Variants in RAF1 observed in about 807,000 individuals in gnomAD.
RAF1 encodes Raf-1 proto-oncogene, serine/threonine kinase, also known as RAF proto-oncogene serine/threonine-protein kinase.
Under a neutral mutation model 81.1 loss-of-function variants are expected in RAF1, and 27 were observed. That is an observed-to-expected ratio of 0.33 (90% CI 0.25 to 0.46). The LOEUF (loss-of-function observed/expected upper bound fraction) is 0.46. RAF1 is among the 20% of genes least tolerant of loss of function. The pLI is 1.00. For synonymous variants in RAF1, 298 were observed against 294.0 expected, an observed-to-expected ratio of 1.01 and a Z score of -0.14; for missense variants, 598 against 826.0, an observed-to-expected ratio of 0.72 and a Z score of 3.38.
At chr3:12,602,453 G>T (rs752908332) in intron 8 of RAF1, among the ~76,000 whole-genome samples, 1 of 152,144 alleles carries the variant, frequency 6.6e-6, no homozygotes, top group Non-Finnish European at 1.5e-5. Context: ...CTGGGCTCAA[G>T]TAATCCTCCT....
chr3:12,588,461 A>G (rs1162159219), intron 13 of RAF1: 1 of 152,168 alleles, frequency 6.6e-6, no homozygotes, highest in Non-Finnish European at 1.5e-5. Context: ...GCTAAATGGT[A>G]TAACGTGTTG....
At chr3:12,642,259 G>A (rs1461990248) in intron 1 of RAF1, among the ~76,000 whole-genome samples, 1 of 150,640 alleles carries the variant, frequency 6.6e-6, no homozygotes, top group African/African-American at 2.4e-5. Context: ...GACCATCCTG[G>A]CTAACACGGT....
intron 2 of RAF1, among the ~76,000 whole-genome samples, chr3:12,616,213 A>C (rs918473127): frequency 6.6e-6 from 1 of 152,196 alleles, no homozygotes; most frequent in Non-Finnish European, 1.5e-5. Context: ...GAGGATTTAA[A>C]TTGGGATTTT....
Position 12,594,590 on chromosome 3 carries a change from C to T in RAF1, c.1169-2798G>A, listed in dbSNP as rs184964846. Reference sequence around the variant, plus strand: ...CAGTGACTTACTCTGACCTTGCAGTCGGCTGAACTTCCTTGGCAGTTTCCA... The same window carrying T: ...CAGTGACTTACTCTGACCTTGCAGTTGGCTGAACTTCCTTGGCAGTTTCCA... On this transcript the variant is annotated intron_variant, in intron 11 of 17. Coordinates refer to ENST00000442415, the MANE Select transcript of RAF1 (RefSeq NM_001354689.3). 4.0e-3 allele frequency among the ~76,000 whole-genome samples: 613 copies of T among 152,298 alleles called. 3 individuals carry two copies. Among genetic ancestry groups the T allele is most frequent in the Non-Finnish European group, 6.6e-3 (450 of 68,024 alleles).
In RAF1 at chr3:12,641,490, G is replaced by GTTTTTTT. The variant is rs747472648; in HGVS notation, c.-27+22316_-27+22322dup. On this transcript the variant is annotated intron_variant, in intron 1 of 17. Transcript: ENST00000442415. ...CCCCCCCAAAAAAAAATGTTTTTTG[G>GTTTTTTT]TTTTTTTTTTTTTTTTTTTGAAACA... is the stretch of plus-strand genomic sequence containing the variant. 3.7e-5 allele frequency among the ~76,000 whole-genome samples: 5 copies of GTTTTTTT among 134,612 alleles called. No individual in the cohort carries two copies. The South Asian group carries it at 1.2e-3, about 33-fold the overall frequency. 88.3% of individuals were successfully genotyped at this position (134,612 alleles called of 152,430 possible). A position where few individuals can be genotyped will look rare whatever the true frequency, so the allele number is the denominator to read the frequency against.
intron 6 of RAF1, among the ~76,000 whole-genome samples, chr3:12,605,665 T>G (rs1035777008): frequency 1.3e-5 from 2 of 152,188 alleles, no homozygotes; most frequent in Non-Finnish European, 2.9e-5. Context: ...GCAACAAAAC[T>G]GATTATAAAG....
chr3:12,591,411 G>C (rs2058511189), intron 12 of RAF1, among the ~76,000 whole-genome samples: 2 of 152,156 alleles, frequency 1.3e-5, no homozygotes, highest in South Asian at 4.1e-4. Flanking sequence ...GGTAAAAATA[G>C]GGCCTATTTC....
At chr3:12,636,825 G>GA (rs1224965267) in intron 1 of RAF1, among the ~76,000 whole-genome samples, 4 of 151,744 alleles carry the variant, frequency 2.6e-5, no homozygotes, top group African/African-American at 9.7e-5. Flanking sequence ...AAGAAAGAAA[G>GA]AAAAAATATT....
At chr3:12,616,808 G>A (rs994880217) in intron 2 of RAF1, among the ~76,000 whole-genome samples, 4 of 152,194 alleles carry the variant, frequency 2.6e-5, no homozygotes, top group African/African-American at 9.7e-5. Flanking sequence ...AAAGGAAGAG[G>A]CATGGAAGTT....
At chr3:12,619,522 G>T (rs1383429951) in intron 1 of RAF1, among the ~76,000 whole-genome samples, 1 of 149,396 alleles carries the variant, frequency 6.7e-6, no homozygotes, top group African/African-American at 2.5e-5. Context: ...TCGATATCGT[G>T]TCATTGCACT....
intron 1 of RAF1, among the ~76,000 whole-genome samples, chr3:12,656,125 T>C (rs767284539): frequency 1.4e-5 from 2 of 143,772 alleles, no homozygotes; most frequent in African/African-American, 2.6e-5. Context: ...TTTTGCATTG[T>C]CAGGCAATAC....
intron 11 of RAF1, among the ~76,000 whole-genome samples, chr3:12,595,964 C>T (rs1326916267): frequency 6.8e-6 from 1 of 147,422 alleles, no homozygotes; most frequent in Non-Finnish European, 1.5e-5. Flanking sequence ...CAGCCTCTAT[C>T]TCCCAGGCTC....
In RAF1 at chr3:12,664,015, C is replaced by A; in HGVS notation, c.-229G>T. 1 of 398,590 alleles carries A rather than the reference C, an allele frequency of 2.5e-6. No homozygotes were observed. The highest frequency in any genetic ancestry group is 4.4e-6 in the Non-Finnish European group (1 of 226,018). 24.7% of individuals were successfully genotyped at this position (398,590 alleles called of 1,614,324 possible). On this transcript the variant is annotated 5_prime_UTR_variant, in exon 1 of 18. Transcript: ENST00000442415. ...CGCGCCCCAAAGCCCGGCCAGCTGA[C>A]CCTTTTCGGGGCCCAAAAAAGGCAG...
chr3:12,652,055 T>TAATA (rs2060547929), intron 1 of RAF1, among the ~76,000 whole-genome samples: 1 of 134,936 alleles, frequency 7.4e-6, no homozygotes, highest in Admixed American at 7.6e-5. Context: ...AATAAATAAA[T>TAATA]GATATAAAAA....
chr3:12,610,103 A>G (rs1375660016), intron 3 of RAF1, among the ~76,000 whole-genome samples: 1 of 152,238 alleles, frequency 6.6e-6, no homozygotes, highest in African/African-American at 2.4e-5. Context: ...TACAGTATAA[A>G]TAAGACAAAA....
At chr3:12,620,925 GAGTTCAGTTCATTCAGAGTTCA>G (rs1364916742) in intron 1 of RAF1, among the ~76,000 whole-genome samples, 1 of 151,300 alleles carries the variant, frequency 6.6e-6, no homozygotes, top group Non-Finnish European at 1.5e-5. Context: ...TCAGAGTTCA[GAGTTCAGTTCATTCAGAGTTCA>G]GAGTTCAGTT....
chr3:12,592,731 CTT>C (rs35189562), intron 11 of RAF1, among the ~76,000 whole-genome samples: 126 of 107,208 alleles, frequency 1.2e-3, no homozygotes, highest in Admixed American at 2.6e-3. Context: ...TTAAAAGCCA[CTT>C]TTTTTTTTTT....
chr3:12,660,119 C>T (rs1311683363), intron 1 of RAF1, among the ~76,000 whole-genome samples: 1 of 151,888 alleles, frequency 6.6e-6, no homozygotes, highest in Non-Finnish European at 1.5e-5. Flanking sequence ...AAACAAATGA[C>T]ATGTTATAAA....
chr3:12,585,841 G>A (rs2058317144), intron 14 of RAF1, 42 bp from the exon 14 acceptor site: 1 of 1,425,046 alleles, frequency 7.0e-7, no homozygotes, highest in Non-Finnish European at 9.9e-7. Context: ...AGAATGGTCA[G>A]GTTAATTTTG....
Sources: gnomAD v4.1 joint callset for allele counts (sites outside exome capture counted in the v4.1 genomes callset) on GRCh38, gnomAD v4.1.1 for gene constraint, MANE v1.5 for transcripts, NCBI Gene and HGNC (gene_info 2026-07-23, HGNC 2026-07-21) for gene names.